Variants in ATP9B observed in about 807,000 individuals in gnomAD.
The protein encoded by ATP9B is ATPase phospholipid transporting 9B.
ATP9B carries 110 observed loss-of-function variants against 146.1 expected under a neutral mutation model. The ratio of observed to expected loss-of-function variants is 0.75; its 90% CI spans 0.65 to 0.88. The LOEUF (loss-of-function observed/expected upper bound fraction) is 0.88. Among genes scored for constraint, ATP9B ranks in the 40% least tolerant of loss-of-function variants. The pLI is 0.00. For synonymous variants in ATP9B, 604 were observed against 569.7 expected, an observed-to-expected ratio of 1.06 and a Z score of -0.86; for missense variants, 1,499 against 1,496.4, an observed-to-expected ratio of 1.00 and a Z score of -0.03.
intron 1 of ATP9B, among the ~76,000 whole-genome samples, chr18:79,094,733 A>G (rs932335442): frequency 2.6e-5 from 4 of 152,222 alleles, no homozygotes; most frequent in Non-Finnish European, 5.9e-5. Context: ...CTTTGACAAG[A>G]ACTCTGCATT....
At chr18:79,158,101 AT>A (rs1304731365) in intron 7 of ATP9B, among the ~76,000 whole-genome samples, 4 of 151,986 alleles carry the variant, frequency 2.6e-5, no homozygotes, top group Non-Finnish European at 5.9e-5. Flanking sequence ...AAGTTAGATT[AT>A]TTACTTGAGG....
chr18:79,108,924 A>G (rs571179588), intron 2 of ATP9B, among the ~76,000 whole-genome samples: 8 of 152,336 alleles, frequency 5.3e-5, no homozygotes, highest in Non-Finnish European at 7.3e-5. Flanking sequence ...GAAACCTGCA[A>G]GTTTTCAGTA....
chr18:79,131,160 CA>C (rs886425956), intron 5 of ATP9B, among the ~76,000 whole-genome samples: 25 of 143,396 alleles, frequency 1.7e-4, no homozygotes, highest in South Asian at 2.2e-4. Context: ...GACTCCGTCT[CA>C]AAAAAAAAAA....
At position 79,224,328 on chromosome 18, in the gene ATP9B, C is replaced by T. The variant is rs935396294; in HGVS notation, c.1107+10290C>T. 1.1e-4 allele frequency among the ~76,000 whole-genome samples: 16 copies of T among 152,170 alleles called. No homozygotes were observed. In the South Asian group the frequency reaches 1.2e-3, roughly 12 times the overall value. On this transcript the variant is annotated intron_variant, in intron 11 of 29. Coordinates refer to ENST00000426216, the MANE Select transcript of ATP9B (RefSeq NM_198531.5). ...CATGTCTCCCTACCAGATCATGCCC[C>T]GTGATTTCTGACGAGGCGATCTGGA...
In ATP9B at chr18:79,349,816, G is replaced by A. The variant is rs578228551; in HGVS notation, c.2903+1620G>A. Among the ~76,000 whole-genome samples the A allele has an allele frequency of 5.9e-5, 9 of 151,932 alleles. No homozygotes were observed. In the South Asian group the frequency reaches 1.5e-3, roughly 25 times the overall value. ...GTCTTCAGGTCCTCTCTGTCCTCTG[G>A]CCTCCACACATGATGTCCCCTTGGC... On this transcript the variant is annotated intron_variant, in intron 25 of 29. Coordinates refer to ENST00000426216, the MANE Select transcript of ATP9B (RefSeq NM_198531.5).
At chr18:79,182,052 T>TA (rs1375866273) in intron 8 of ATP9B, among the ~76,000 whole-genome samples, 1 of 152,252 alleles carries the variant, frequency 6.6e-6, no homozygotes, top group Non-Finnish European at 1.5e-5. Flanking sequence ...TTAAATTAGT[T>TA]AAACAACTTG....
intron 9 of ATP9B, among the ~76,000 whole-genome samples, chr18:79,195,537 C>T (rs1024623899): frequency 6.6e-6 from 1 of 152,184 alleles, no homozygotes; most frequent in Non-Finnish European, 1.5e-5. Context: ...TGCAACAAGC[C>T]TGATTTAAAT....
At position 79,310,215 on chromosome 18, in the gene ATP9B, C is replaced by T. The variant is rs189291614; in HGVS notation, c.1773+2981C>T. ...GGTGAGAATAGGGACAGACCGTAGC[C>T]GCCATGAGGAGGCGGAGCTGGCGTG... On this transcript the variant is annotated intron_variant, in intron 15 of 29. Coordinates refer to ENST00000426216, the MANE Select transcript of ATP9B (RefSeq NM_198531.5). Among the ~76,000 whole-genome samples, 135 of 152,286 alleles carry T rather than the reference C, an allele frequency of 8.9e-4. 1 individual carries two copies. The highest frequency in any genetic ancestry group is 6.9e-3 in the Admixed American group (105 of 15,302).
At chr18:79,231,370 A>G (rs2095789818) in intron 11 of ATP9B, among the ~76,000 whole-genome samples, 1 of 152,188 alleles carries the variant, frequency 6.6e-6, no homozygotes, top group African/African-American at 2.4e-5. Flanking sequence ...AAGGTATACA[A>G]ATGGCCAACA....
chr18:79,110,103 G>A (rs2075904224), intron 2 of ATP9B, among the ~76,000 whole-genome samples: 1 of 152,056 alleles, frequency 6.6e-6, no homozygotes, highest in Non-Finnish European at 1.5e-5. Flanking sequence ...GTTTTATTTT[G>A]CCAATAAGAG....
At chr18:79,359,110 G>A (rs1012316631) in intron 25 of ATP9B, among the ~76,000 whole-genome samples, 8 of 152,094 alleles carry the variant, frequency 5.3e-5, no homozygotes, top group Non-Finnish European at 1.2e-4. Context: ...AACATAGAAA[G>A]GTAAACATTT....
Position 79,235,960 on chromosome 18 carries a change from G to A in ATP9B, c.1108-17421G>A, listed in dbSNP as rs569748026. ...TAGGAATTCCTCTGCTCTGAATGGT[G>A]TATACAGATCTCTTGGTGCAGTCTG... On this transcript the variant is annotated intron_variant, in intron 11 of 29. Coordinates refer to ENST00000426216, the MANE Select transcript of ATP9B (RefSeq NM_198531.5). 3.1e-3 allele frequency among the ~76,000 whole-genome samples: 477 copies of A among 152,182 alleles called. 2 individuals are homozygous for A. Among genetic ancestry groups the A allele is most frequent in the African/African-American group, 0.011 (464 of 41,500 alleles).
intron 21 of ATP9B, among the ~76,000 whole-genome samples, 176 bp from the exon 22 acceptor site, chr18:79,345,252 G>A (rs1361332480): frequency 6.6e-6 from 1 of 152,148 alleles, no homozygotes; most frequent in Admixed American, 6.5e-5. Context: ...TTCTTCCCAT[G>A]ATTTTTTATT....
chr18:79,180,096 G>T (rs1399708942), intron 8 of ATP9B, among the ~76,000 whole-genome samples: 1 of 151,750 alleles, frequency 6.6e-6, no homozygotes, highest in Non-Finnish European at 1.5e-5. Flanking sequence ...TTTTAAATTA[G>T]TATTTACATG....
intron 4 of ATP9B, among the ~76,000 whole-genome samples, chr18:79,121,700 G>A (rs2094192685): frequency 6.6e-6 from 1 of 152,204 alleles, no homozygotes; most frequent in Non-Finnish European, 1.5e-5. Flanking sequence ...CATCTTTTGG[G>A]TGTTGAGAAT....
intron 12 of ATP9B, among the ~76,000 whole-genome samples, chr18:79,266,629 A>C (rs932971226): frequency 6.6e-6 from 1 of 152,130 alleles, no homozygotes; most frequent in South Asian, 2.1e-4. Context: ...TTCTGTTCCT[A>C]TTTTGCTAAA....
chr18:79,308,310 GC>G (rs1251232889), intron 15 of ATP9B, among the ~76,000 whole-genome samples: 1 of 152,142 alleles, frequency 6.6e-6, no homozygotes, highest in African/African-American at 2.4e-5. Flanking sequence ...ATTACCATAT[GC>G]CCCGCCCGAG....
intron 2 of ATP9B, among the ~76,000 whole-genome samples, chr18:79,100,532 A>G (rs2075189751): frequency 6.6e-6 from 1 of 152,250 alleles, no homozygotes; most frequent in South Asian, 2.1e-4. Context: ...CAATAAAACT[A>G]TACCAGCTTT....
rs1296328595 is a variant in ATP9B, at chr18:79,344,308, G to A, written c.2426G>A (p.Arg809Gln). The A allele has an allele frequency of 6.2e-7, 1 of 1,614,190 alleles. No homozygotes were observed. The highest frequency in any genetic ancestry group is 8.5e-7 in the Non-Finnish European group (1 of 1,180,034). ...GEAHLELNAFRRKHDCALVIS... is the reference protein window; with the variant it reads ...GEAHLELNAFQRKHDCALVIS... The stretch of plus-strand genomic sequence containing the variant: ...GCACATTTGGAGCTGAATGCATTTC[G>A]AAGGAAGCATGATTGTGCACTAGTC... The change falls in exon 21 of 30, where the codon CGA becomes CAA. Residue 809 changes from arginine (R) to glutamine (Q), a missense_variant. Physicochemically the swap from Arg to Gln is conservative, Grantham distance 43. Coordinates refer to ENST00000426216, the MANE Select transcript of ATP9B (RefSeq NM_198531.5).
Sources: allele counts gnomAD v4.1 joint callset (sites outside exome capture counted in the v4.1 genomes callset), GRCh38; gene constraint gnomAD v4.1.1; transcripts MANE v1.5; gene names NCBI Gene and HGNC (gene_info 2026-07-23, HGNC 2026-07-21).